FKBP1B: variants seen among roughly 807,000 people sequenced by gnomAD.
The protein encoded by FKBP1B is peptidyl-prolyl cis-trans isomerase FKBP1B.
In FKBP1B, 4 loss-of-function variants were observed where a neutral mutation model predicts 13.5. The ratio of observed to expected loss-of-function variants is 0.30; its 90% CI spans 0.15 to 0.68. The LOEUF (loss-of-function observed/expected upper bound fraction) is 0.68, where lower values mean the gene tolerates loss of function less well. Among genes scored for constraint, FKBP1B ranks in the 30% least tolerant of loss-of-function variants. FKBP1B has a pLI of 0.76. For synonymous variants in FKBP1B, 54 were observed against 53.6 expected (o/e 1.01, Z -0.03); for missense variants, 93 against 136.2 (o/e 0.68, Z 1.58).
In FKBP1B at chr2:24,053,966, C is replaced by G. The variant is rs1664000723; in HGVS notation, c.85+17C>G. On this transcript the variant is annotated intron_variant, in intron 2 of 3. Coordinates refer to ENST00000380986, the MANE Select transcript of FKBP1B (RefSeq NM_004116.5). The stretch of plus-strand genomic sequence containing the variant: ...ACTACACAGGTAAGTCTCACCCCCT[C>G]AGCCCCCACCCAGTCCTTCCCCTCC... 2 of 1,613,120 alleles carry G rather than the reference C, an allele frequency of 1.2e-6. No homozygotes were observed. The highest frequency in any genetic ancestry group is 1.3e-5 in the African/African-American group (1 of 74,930).
chr2:24,043,131 C>T, the FKBP1B span, among the ~76,000 whole-genome samples: 25 of 151,916 alleles, frequency 1.6e-4, no homozygotes, highest in African/African-American at 5.6e-4. Context: ...GTCAGGATTT[C>T]GAGATCAGCC....
chr2:24,043,862 T>TGTC, the FKBP1B span, among the ~76,000 whole-genome samples: 2 of 151,698 alleles, frequency 1.3e-5, no homozygotes, highest in African/African-American at 4.8e-5. Context: ...TTGCTAGCTT[T>TGTC]GTCCTTGCTC....
the FKBP1B span, chr2:24,039,241 A>T: frequency 6.2e-7 from 1 of 1,614,244 alleles, no homozygotes; most frequent in Non-Finnish European, 8.5e-7. Flanking sequence ...CCACACAGTG[A>T]CATGCTTCTC....
the FKBP1B span, among the ~76,000 whole-genome samples, chr2:24,042,255 T>C: frequency 6.6e-6 from 1 of 150,488 alleles, no homozygotes; most frequent in East Asian, 2.0e-4. Flanking sequence ...TACAAAAAAT[T>C]GGCCGGGCGC....
chr2:24,045,203 G>T (rs576998576), upstream of FKBP1B, among the ~76,000 whole-genome samples: 1 of 152,188 alleles, frequency 6.6e-6, no homozygotes, highest in Non-Finnish European at 1.5e-5. Flanking sequence ...CAGTGATATC[G>T]ATAGGATATA....
the FKBP1B span, among the ~76,000 whole-genome samples, chr2:24,035,306 T>C: frequency 6.7e-6 from 1 of 150,352 alleles, no homozygotes; most frequent in Non-Finnish European, 1.5e-5. Context: ...AAGGTGTGTA[T>C]ATCACCTTCC....
At chr2:24,060,321 T>G (rs913396033) in intron 2 of FKBP1B, among the ~76,000 whole-genome samples, 15 of 152,144 alleles carry the variant, frequency 9.9e-5, no homozygotes, top group African/African-American at 3.6e-4. Flanking sequence ...GAGGCCAAGG[T>G]GGGTGGATCA....
intron 2 of FKBP1B, among the ~76,000 whole-genome samples, chr2:24,057,516 G>C (rs1664184906): frequency 6.6e-6 from 1 of 152,112 alleles, no homozygotes; most frequent in Non-Finnish European, 1.5e-5. Context: ...TGGGATTTCA[G>C]GCATGCGCCA....
chr2:24,049,686 GC>G (rs2150958625), upstream of FKBP1B: 1 of 457,744 alleles, frequency 2.2e-6, no homozygotes, highest in Non-Finnish European at 3.5e-6. Flanking sequence ...CCGCCCCCTT[GC>G]CAGTGGCCCC....
At chr2:24,034,190 G>A in the FKBP1B span, among the ~76,000 whole-genome samples, 3 of 152,186 alleles carry the variant, frequency 2.0e-5, no homozygotes, top group Admixed American at 6.5e-5. Flanking sequence ...GAAGGCCAAG[G>A]CGGGTGGATC....
chr2:24,033,831 T>C, the FKBP1B span, among the ~76,000 whole-genome samples: 4 of 152,228 alleles, frequency 2.6e-5, no homozygotes, highest in Admixed American at 2.0e-4. Flanking sequence ...AGTGCATGGA[T>C]TGCTTGAGCC....
rs1037622835 is a variant in FKBP1B, at chr2:24,053,248, A to T, written c.38-654A>T. On this transcript the variant is annotated intron_variant, in intron 1 of 3. Transcript: ENST00000380986. ...CACTTCAGCTTCTTCAGTAGCTGGG[A>T]CTATAGGTATGCGGCACCACACCCA... Among the ~76,000 whole-genome samples the T allele has an allele frequency of 8.7e-5, 13 of 150,162 alleles. 1 individual carries two copies. The Middle Eastern group carries it at 0.014, about 160-fold the overall frequency.
intron 3 of FKBP1B, 182 bp from the exon 4 acceptor site, chr2:24,062,882 C>T (rs1256813225): frequency 2.4e-6 from 2 of 847,488 alleles, no homozygotes; most frequent in African/African-American, 3.4e-5. Context: ...TCTGCTGAGG[C>T]AGAATCTGCG....
At chr2:24,036,065 AAAATAAATAAATAAATAAAT>A in the FKBP1B span, among the ~76,000 whole-genome samples, 54 of 140,404 alleles carry the variant, frequency 3.8e-4, no homozygotes, top group Middle Eastern at 3.5e-3. Context: ...CTCCGTCTCA[AAAATAAATAAATAAATAAAT>A]AAATAAATAA....
chr2:24,053,037 G>A (rs1361907336), intron 1 of FKBP1B, among the ~76,000 whole-genome samples: 6 of 152,062 alleles, frequency 3.9e-5, no homozygotes, highest in Admixed American at 1.3e-4. Flanking sequence ...GTTCACTGCT[G>A]TATCCCTGTG....
the FKBP1B span, among the ~76,000 whole-genome samples, chr2:24,033,494 A>C: frequency 6.6e-6 from 1 of 152,208 alleles, no homozygotes; most frequent in African/African-American, 2.4e-5. Context: ...TAGTACCAAA[A>C]GTTTGGGAGG....
the FKBP1B span, among the ~76,000 whole-genome samples, chr2:24,037,237 G>A: frequency 6.6e-6 from 1 of 152,154 alleles, no homozygotes; most frequent in Non-Finnish European, 1.5e-5. Flanking sequence ...TGGCCAGGCT[G>A]GTCTCGAACT....
the FKBP1B span, chr2:24,039,425 G>A: frequency 1.9e-6 from 3 of 1,614,270 alleles, no homozygotes; most frequent in Non-Finnish European, 2.5e-6. Context: ...GCAAGGCCAT[G>A]GATCGGATGC....
At chr2:24,056,752 G>A (rs148823001) in intron 2 of FKBP1B, among the ~76,000 whole-genome samples, 249 of 151,856 alleles carry the variant, frequency 1.6e-3, no homozygotes, top group African/African-American at 5.5e-3. Flanking sequence ...GTGCAATGGC[G>A]CAATCTTCAC....
Sources: gnomAD v4.1 joint callset for allele counts (sites outside exome capture counted in the v4.1 genomes callset) on GRCh38, gnomAD v4.1.1 for gene constraint, MANE v1.5 for transcripts, NCBI Gene and HGNC (gene_info 2026-07-23, HGNC 2026-07-21) for gene names.